Variants in ZBTB2 observed in about 807,000 individuals in gnomAD.
ZBTB2 encodes zinc finger and BTB domain containing 2, also known as zinc finger and BTB domain-containing protein 2.
A neutral mutation model predicts 39.5 loss-of-function variants in ZBTB2; 2 were observed. The ratio of observed to expected loss-of-function variants is 0.05; its 90% CI spans 0.02 to 0.16. The LOEUF (loss-of-function observed/expected upper bound fraction) is 0.16, where lower values mean the gene tolerates loss of function less well. ZBTB2 is among the 10% of genes least tolerant of loss of function. The probability of loss-of-function intolerance (pLI) is 1.00; values close to 1 mark genes in which losing one functional copy is unlikely to be tolerated. For synonymous variants in ZBTB2, 251 were observed against 256.6 expected, an observed-to-expected ratio of 0.98 and a Z score of 0.21; for missense variants, 391 against 653.0, an observed-to-expected ratio of 0.60 and a Z score of 4.37.
rs1222759443 is a variant in ZBTB2 at position 151,365,016 on chromosome 6, G to T, written c.*505C>A. On this transcript the variant is annotated 3_prime_UTR_variant, in exon 3 of 3. Transcript: ENST00000325144. The surrounding 1 kb of genome is among the most constrained non-coding windows in gnomAD (Gnocchi z 5.6). Reference sequence around the variant, plus strand: ...GACATAATCTCAAAGGATGCATTCTGAAGTAAGACACCTGGAGGATGAATA... The same window carrying T: ...GACATAATCTCAAAGGATGCATTCTTAAGTAAGACACCTGGAGGATGAATA... 1 of 153,652 alleles carries T rather than the reference G, an allele frequency of 6.5e-6. No homozygotes were observed. The highest frequency in any genetic ancestry group is 1.9e-4 in the East Asian group (1 of 5,200). 9.5% of individuals were successfully genotyped at this position (153,652 alleles called of 1,614,324 possible). A position where few individuals can be genotyped will look rare whatever the true frequency, so the allele number is the denominator to read the frequency against.
Position 151,365,470 on chromosome 6 carries a change from G to A in ZBTB2, c.*51C>T. On this transcript the variant is annotated 3_prime_UTR_variant, in exon 3 of 3. Coordinates refer to ENST00000325144, the MANE Select transcript of ZBTB2 (RefSeq NM_020861.3). This position sits in a 1 kb window ranked among gnomAD's most constrained non-coding sequence, Gnocchi z 5.6. ...TACAGTTCTGAATTCAGGGAAGGGA[G>A]GGAAGATAGTCTTTGTAAAAATGAG... The A allele has an allele frequency of 1.3e-6, 2 of 1,541,882 alleles. No homozygotes were observed. Among genetic ancestry groups the A allele is most frequent in the Non-Finnish European group, 1.7e-6 (2 of 1,145,472 alleles).
chr6:151,375,402 C>T (rs1778886066), intron 1 of ZBTB2, among the ~76,000 whole-genome samples: 1 of 152,138 alleles, frequency 6.6e-6, no homozygotes, highest in Admixed American at 6.5e-5. Flanking sequence ...TGATTATGGA[C>T]AGGAAGACTC....
At chr6:151,376,371 C>T (rs187562922) in intron 1 of ZBTB2, among the ~76,000 whole-genome samples, 37 of 152,142 alleles carry the variant, frequency 2.4e-4, no homozygotes, top group Admixed American at 1.6e-3. Flanking sequence ...TTTTGCTCTC[C>T]GAAAGACCTC....
chr6:151,389,261 T>C (rs1779231022), intron 1 of ZBTB2, among the ~76,000 whole-genome samples: 1 of 151,850 alleles, frequency 6.6e-6, no homozygotes, highest in African/African-American at 2.4e-5. Context: ...TGCCTCTTAC[T>C]AAAAGGAAAA....
At chr6:151,382,370 C>T (rs1779053390) in intron 1 of ZBTB2, among the ~76,000 whole-genome samples, 1 of 151,930 alleles carries the variant, frequency 6.6e-6, no homozygotes, top group Non-Finnish European at 1.5e-5. Context: ...ATTCTCCTGC[C>T]TCAGCCTCTA....
rs1778613070 is a variant in ZBTB2 at position 151,365,047 on chromosome 6, A to T, written c.*474T>A. ...AGACACCTGGAGGATGAATACTAAG[A>T]ACGTTTTCTTGGGTTTAAAGTTTCC... On this transcript the variant is annotated 3_prime_UTR_variant, in exon 3 of 3. Coordinates refer to ENST00000325144, the MANE Select transcript of ZBTB2 (RefSeq NM_020861.3). This position sits in a 1 kb window ranked among gnomAD's most constrained non-coding sequence, Gnocchi z 5.6. 1 of 155,094 alleles carries T rather than the reference A, an allele frequency of 6.4e-6. No individual in the cohort carries two copies. The highest frequency in any genetic ancestry group is 2.0e-4 in the South Asian group (1 of 5,046). The allele number at this position is 155,094 out of a possible 1,614,324, so 9.6% of individuals were successfully genotyped here.
rs1364889765 is a variant in ZBTB2, at chr6:151,381,457, G to A, written c.-12-7808C>T. On this transcript the variant is annotated intron_variant, in intron 1 of 2. Transcript: ENST00000325144. ...AATCACTTAAACTTGGGAAGTGGAG[G>A]TTGCAGTGAGCCAAGATCATGCCAC... is the stretch of plus-strand genomic sequence containing the variant. 3.3e-5 allele frequency among the ~76,000 whole-genome samples: 5 copies of A among 151,994 alleles called. No homozygotes were observed. In the East Asian group the frequency reaches 9.6e-4, roughly 29 times the overall value.
At chr6:151,367,345 T>C (rs1778673981) in intron 2 of ZBTB2, among the ~76,000 whole-genome samples, 1 of 152,302 alleles carries the variant, frequency 6.6e-6, no homozygotes, top group East Asian at 1.9e-4. Context: ...GGTCTCCAAT[T>C]CCTGACCTCA....
At chr6:151,381,766 G>A (rs994860756) in intron 1 of ZBTB2, among the ~76,000 whole-genome samples, 1 of 152,122 alleles carries the variant, frequency 6.6e-6, no homozygotes, top group African/African-American at 2.4e-5. Context: ...CCAACAGAGT[G>A]TTGCTCCCTC....
intron 1 of ZBTB2, among the ~76,000 whole-genome samples, chr6:151,380,418 T>C (rs768479784): frequency 5.9e-4 from 90 of 152,366 alleles, no homozygotes; most frequent in Non-Finnish European, 1.2e-3. Context: ...TCTTTTCTCA[T>C]CACGGCTTCC....
chr6:151,391,018 C>T (rs1779290928), intron 1 of ZBTB2, among the ~76,000 whole-genome samples: 1 of 131,734 alleles, frequency 7.6e-6, no homozygotes, highest in East Asian at 2.9e-4. Context: ...CCCCTTCCTC[C>T]CTCCCACCCT....
intron 1 of ZBTB2, 135 bp downstream of exon 1, chr6:151,391,285 T>A (rs1779301514): frequency 6.6e-6 from 1 of 151,554 alleles, no homozygotes; most frequent in Non-Finnish European, 1.5e-5. Flanking sequence ...TCATTCGTCG[T>A]CTTTGTTGCC....
chr6:151,370,881 G>A (rs761405296), intron 2 of ZBTB2, among the ~76,000 whole-genome samples: 5 of 152,220 alleles, frequency 3.3e-5, no homozygotes, highest in Non-Finnish European at 5.9e-5. Flanking sequence ...CTCTGGTGCA[G>A]TAATACACCT....
chr6:151,374,543 T>G (rs1033383457), intron 1 of ZBTB2, among the ~76,000 whole-genome samples: 4 of 152,130 alleles, frequency 2.6e-5, no homozygotes, highest in Non-Finnish European at 5.9e-5. Flanking sequence ...AAAGAGCATT[T>G]ATAAAAGCCC....
chr6:151,389,447 C>G (rs1007219415), intron 1 of ZBTB2, among the ~76,000 whole-genome samples: 1 of 152,148 alleles, frequency 6.6e-6, no homozygotes, highest in Non-Finnish European at 1.5e-5. Flanking sequence ...GTTCAGGGTA[C>G]TCCCACACTA....
At position 151,364,372 on chromosome 6, in the gene ZBTB2, C is replaced by T. The variant is rs1255783354; in HGVS notation, c.*1149G>A. 1 of 148,188 alleles carries T rather than the reference C, an allele frequency of 6.7e-6. No homozygotes were observed. The highest frequency in any genetic ancestry group is 1.5e-5 in the Non-Finnish European group (1 of 66,354). The allele number at this position is 148,188 out of a possible 1,614,324, so 9.2% of individuals were successfully genotyped here. The stretch of plus-strand genomic sequence containing the variant: ...GCTTTCGGGCCAATGGAGAAAATTT[C>T]AGGCATTAAGAAAGAAGAAAGAAAA... On this transcript the variant is annotated 3_prime_UTR_variant, in exon 3 of 3. Coordinates refer to ENST00000325144, the MANE Select transcript of ZBTB2 (RefSeq NM_020861.3).
chr6:151,365,317 C>G lies in ZBTB2; in HGVS notation c.*204G>C, dbSNP rs1310349414. On this transcript the variant is annotated 3_prime_UTR_variant, in exon 3 of 3. Transcript: ENST00000325144. This position sits in a 1 kb window ranked among gnomAD's most constrained non-coding sequence, Gnocchi z 5.6. The stretch of plus-strand genomic sequence containing the variant: ...ATAATGACCATTATCTTTCCAATAT[C>G]CCCTGAAAGAAAGTCGATACATTCC... 3.5e-6 allele frequency: 2 copies of G among 570,778 alleles called. No individual in the cohort carries two copies. The highest frequency in any genetic ancestry group is 6.0e-6 in the Non-Finnish European group (2 of 333,312). The allele number at this position is 570,778 out of a possible 1,614,324, so 35.4% of individuals were successfully genotyped here.
At chr6:151,384,060 A>G (rs1779100424) in intron 1 of ZBTB2, among the ~76,000 whole-genome samples, 1 of 152,230 alleles carries the variant, frequency 6.6e-6, no homozygotes, top group East Asian at 1.9e-4. Flanking sequence ...GTTTCTAGTT[A>G]TCCTAGATTG....
At chr6:151,370,686 A>G (rs1778770940) in intron 2 of ZBTB2, among the ~76,000 whole-genome samples, 1 of 152,182 alleles carries the variant, frequency 6.6e-6, no homozygotes, top group Non-Finnish European at 1.5e-5. Context: ...TTGGAGCCAA[A>G]CTTGAAAAAA....
Sources: allele counts gnomAD v4.1 joint callset (sites outside exome capture counted in the v4.1 genomes callset), GRCh38; gene constraint gnomAD v4.1.1; non-coding constraint Gnocchi (gnomAD v3.1); transcripts MANE v1.5; gene names NCBI Gene and HGNC (gene_info 2026-07-23, HGNC 2026-07-21).